LUZP2: variants seen among roughly 807,000 people sequenced by gnomAD.
The protein encoded by LUZP2 is leucine zipper protein 2.
LUZP2 carries 52 observed loss-of-function variants against 51.6 expected under a neutral mutation model. The observed-to-expected ratio is 1.01, with a 90% confidence interval of 0.81 to 1.27. The LOEUF is 1.27. LUZP2 is among the 50% of genes most tolerant of loss of function. LUZP2 has a pLI of 0.00. For missense variants in LUZP2, 436 were observed against 395.4 expected, an observed-to-expected ratio of 1.10 and a Z score of -0.87; for synonymous variants, 154 against 137.3, an observed-to-expected ratio of 1.12 and a Z score of -0.85.
At chr11:24,900,960 C>A (rs1045186046) in intron 5 of LUZP2, among the ~76,000 whole-genome samples, 1 of 152,116 alleles carries the variant, frequency 6.6e-6, no homozygotes, top group African/African-American at 2.4e-5. Context: ...TACCTGATCA[C>A]CTTTCTCTAA....
At chr11:24,533,827 C>A (rs1309626618) in intron 1 of LUZP2, among the ~76,000 whole-genome samples, 1 of 151,162 alleles carries the variant, frequency 6.6e-6, no homozygotes, top group African/African-American at 2.4e-5. Flanking sequence ...ATAATATCTT[C>A]TCTGCTGAAT....
At chr11:24,997,710 A>T (rs1158690216) in intron 9 of LUZP2, among the ~76,000 whole-genome samples, 1 of 152,016 alleles carries the variant, frequency 6.6e-6, no homozygotes, top group Non-Finnish European at 1.5e-5. Flanking sequence ...TATGTCCTGA[A>T]TGGTAATGCC....
chr11:24,842,181 G>T (rs1173718258), intron 5 of LUZP2, among the ~76,000 whole-genome samples: 1 of 148,720 alleles, frequency 6.7e-6, no homozygotes, highest in African/African-American at 2.5e-5. Flanking sequence ...ACACAGAGGG[G>T]CATTATTTAA....
Position 24,741,973 on chromosome 11 carries a change from CATT to C in LUZP2, c.333+3672_333+3674del, listed in dbSNP as rs1565111117. Among the ~76,000 whole-genome samples, 17 of 31,632 alleles carry C rather than the reference CATT, an allele frequency of 5.4e-4. 1 individual carries two copies. The East Asian group carries it at 0.022, about 40-fold the overall frequency. The allele number at this position is 31,632 out of a possible 152,430, so 20.8% of individuals were successfully genotyped here. On this transcript the variant is annotated intron_variant, in intron 4 of 11. Coordinates refer to ENST00000336930, the MANE Select transcript of LUZP2 (RefSeq NM_001009909.4). ...TTTATATATTATATATAAATATATACATTTATATATTATATATAAATGTATATA... is the reference window on the plus strand; with the variant it reads ...TTTATATATTATATATAAATATATACTATATATTATATATAAATGTATATA...
At chr11:24,600,337 G>C (rs1853585293) in intron 1 of LUZP2, among the ~76,000 whole-genome samples, 3 of 152,016 alleles carry the variant, frequency 2.0e-5, no homozygotes, top group African/African-American at 7.2e-5. Flanking sequence ...AGGAATGCTG[G>C]CCACCACCAC....
intron 1 of LUZP2, among the ~76,000 whole-genome samples, chr11:24,659,728 T>C (rs1855951454): frequency 6.6e-6 from 1 of 152,072 alleles, no homozygotes; most frequent in Admixed American, 6.6e-5. Context: ...ATTAAAATAT[T>C]TTTAAAATTG....
intron 9 of LUZP2, among the ~76,000 whole-genome samples, chr11:25,045,114 G>A (rs917795743): frequency 1.3e-4 from 19 of 149,578 alleles, no homozygotes; most frequent in Non-Finnish European, 1.9e-4. Context: ...GCTAAATGAC[G>A]AGTTAATGGG....
At chr11:24,714,244 G>A (rs1426022247) in intron 1 of LUZP2, among the ~76,000 whole-genome samples, 1 of 151,856 alleles carries the variant, frequency 6.6e-6, no homozygotes, top group Non-Finnish European at 1.5e-5. Context: ...AACCACCATG[G>A]CACACGTATA....
intron 1 of LUZP2, among the ~76,000 whole-genome samples, chr11:24,695,699 G>A (rs993310276): frequency 3.9e-5 from 6 of 151,962 alleles, no homozygotes; most frequent in Non-Finnish European, 8.8e-5. Context: ...GGGAAAGGAG[G>A]GAAAGTAAAT....
At chr11:24,546,905 GT>G (rs1851562878) in intron 1 of LUZP2, among the ~76,000 whole-genome samples, 1 of 151,366 alleles carries the variant, frequency 6.6e-6, no homozygotes, top group South Asian at 2.1e-4. Context: ...ATCTGGTCCT[GT>G]TTTTTGTTTT....
intron 1 of LUZP2, among the ~76,000 whole-genome samples, chr11:24,551,483 T>C (rs1028549692): frequency 2.6e-5 from 4 of 152,002 alleles, no homozygotes; most frequent in Non-Finnish European, 5.9e-5. Context: ...CAGGGTTCCT[T>C]TTAGTGGTGT....
At chr11:24,827,256 G>C (rs1850570989) in intron 5 of LUZP2, among the ~76,000 whole-genome samples, 1 of 152,264 alleles carries the variant, frequency 6.6e-6, no homozygotes, top group African/African-American at 2.4e-5. Flanking sequence ...AAACCAGAGT[G>C]GGTCAGAATT....
intron 1 of LUZP2, among the ~76,000 whole-genome samples, chr11:24,576,750 A>G (rs1014810891): frequency 2.0e-5 from 3 of 152,116 alleles, no homozygotes; most frequent in African/African-American, 4.8e-5. Context: ...GAGTGTATAT[A>G]TAAAAATAGA....
intron 1 of LUZP2, among the ~76,000 whole-genome samples, chr11:24,598,670 G>A (rs750321177): frequency 2.6e-5 from 4 of 152,090 alleles, no homozygotes; most frequent in Non-Finnish European, 5.9e-5. Context: ...TATTAATAAA[G>A]ATGACTCCAA....
rs139313536 is a variant in LUZP2, at chr11:25,036,587, A to G, written c.766-13451A>G. On this transcript the variant is annotated intron_variant, in intron 9 of 11. Transcript: ENST00000336930. Reference sequence around the variant, plus strand: ...AGATTGCTAATTTGAGATTCTTCTAACATCTTGATGGAGGCACTTAAGATT... The same window carrying G: ...AGATTGCTAATTTGAGATTCTTCTAGCATCTTGATGGAGGCACTTAAGATT... Among the ~76,000 whole-genome samples the G allele has an allele frequency of 2.2e-3, 333 of 152,034 alleles. 2 individuals are homozygous for G. The highest frequency in any genetic ancestry group is 7.5e-3 in the African/African-American group (310 of 41,524).
At chr11:24,990,797 T>C (rs1319726868) in intron 9 of LUZP2, among the ~76,000 whole-genome samples, 1 of 151,968 alleles carries the variant, frequency 6.6e-6, no homozygotes, top group East Asian at 1.9e-4. Context: ...CTTACATAAT[T>C]CTAGCCTTTT....
chr11:24,917,969 A>C (rs1473674631), intron 7 of LUZP2, among the ~76,000 whole-genome samples: 7 of 152,120 alleles, frequency 4.6e-5, no homozygotes, highest in Non-Finnish European at 7.4e-5. Flanking sequence ...ACCCATGAGC[A>C]TGGAATGTTC....
At chr11:24,617,328 C>G (rs934204239) in intron 1 of LUZP2, among the ~76,000 whole-genome samples, 2 of 151,718 alleles carry the variant, frequency 1.3e-5, no homozygotes, top group Non-Finnish European at 2.9e-5. Flanking sequence ...TATTTTTCAC[C>G]TGATTTGTGG....
chr11:24,567,360 T>C (rs528965518), intron 1 of LUZP2, among the ~76,000 whole-genome samples: 1 of 152,126 alleles, frequency 6.6e-6, no homozygotes, highest in South Asian at 2.1e-4. Context: ...GCATCAGTAA[T>C]ACACCAACAT....
Sources: gnomAD v4.1 joint callset for allele counts (sites outside exome capture counted in the v4.1 genomes callset) on GRCh38, gnomAD v4.1.1 for gene constraint, MANE v1.5 for transcripts, NCBI Gene and HGNC (gene_info 2026-07-23, HGNC 2026-07-21) for gene names.